The following KCNK9 variants were observed in gnomAD, a reference collection of about 807,000 sequenced individuals.
The protein encoded by KCNK9 is potassium channel subfamily K member 9.
A neutral mutation model predicts 10.8 loss-of-function variants in KCNK9; 1 was observed. The observed-to-expected ratio is 0.09, with a 90% CI of 0.03 to 0.44. KCNK9 has a LOEUF of 0.44. KCNK9 is among the 20% of genes least tolerant of loss of function. The pLI is 0.97. For synonymous variants in KCNK9, 231 were observed against 222.7 expected, an observed-to-expected ratio of 1.04 and a Z score of -0.33; for missense variants, 303 against 515.0, an observed-to-expected ratio of 0.59 and a Z score of 3.98.
At chr8:139,645,302 C>T (rs888077590) in intron 1 of KCNK9, among the ~76,000 whole-genome samples, 1 of 152,110 alleles carries the variant, frequency 6.6e-6, no homozygotes, top group African/African-American at 2.4e-5. Flanking sequence ...CTCAGACCGG[C>T]CCAGGGAGCC....
At chr8:139,694,701 C>T (rs989631439) in intron 1 of KCNK9, among the ~76,000 whole-genome samples, 15 of 152,316 alleles carry the variant, frequency 9.8e-5, no homozygotes, top group Middle Eastern at 3.4e-3. Flanking sequence ...CACCTGCCAC[C>T]CCAAACTTCA....
intron 1 of KCNK9, among the ~76,000 whole-genome samples, chr8:139,681,651 C>A (rs1182782569): frequency 1.3e-5 from 2 of 152,212 alleles, no homozygotes; most frequent in Non-Finnish European, 1.5e-5. Flanking sequence ...CAGCGGGCAG[C>A]AAGCTGGCTG....
downstream of KCNK9, among the ~76,000 whole-genome samples, chr8:139,614,250 A>C (rs1814514065): frequency 6.6e-6 from 1 of 152,150 alleles, no homozygotes; most frequent in South Asian, 2.1e-4. Flanking sequence ...ATGTTCTCTT[A>C]AGGCCCTGTG....
downstream of KCNK9, among the ~76,000 whole-genome samples, chr8:139,608,274 C>T (rs369899597): frequency 1.2e-4 from 19 of 152,260 alleles, no homozygotes; most frequent in East Asian, 3.5e-3. Flanking sequence ...GTGAGTCTCA[C>T]ACAAAGCTTC....
At chr8:139,620,313 G>T (rs1018378946) in intron 1 of KCNK9, among the ~76,000 whole-genome samples, 5 of 152,172 alleles carry the variant, frequency 3.3e-5, no homozygotes, top group African/African-American at 1.2e-4. Context: ...TTTCCCTGAT[G>T]GGACCCTGTC....
chr8:139,627,183 T>C (rs1815004090), intron 1 of KCNK9, among the ~76,000 whole-genome samples: 1 of 152,184 alleles, frequency 6.6e-6, no homozygotes, highest in African/African-American at 2.4e-5. Flanking sequence ...TGAAGCAGCC[T>C]CCTCCAGTGG....
intron 1 of KCNK9, among the ~76,000 whole-genome samples, chr8:139,662,017 A>T (rs1351451500): frequency 6.6e-6 from 1 of 152,110 alleles, no homozygotes; most frequent in East Asian, 1.9e-4. Context: ...TCAGGTCAGG[A>T]TGGTGCTGGT....
At chr8:139,624,446 C>T (rs1814900556) in intron 1 of KCNK9, among the ~76,000 whole-genome samples, 1 of 152,184 alleles carries the variant, frequency 6.6e-6, no homozygotes, top group Non-Finnish European at 1.5e-5. Context: ...AGTTGAGTGG[C>T]TGTCCCAGCT....
intron 1 of KCNK9, among the ~76,000 whole-genome samples, chr8:139,696,415 G>A (rs1455142757): frequency 6.6e-6 from 1 of 152,206 alleles, no homozygotes; most frequent in Admixed American, 6.5e-5. Context: ...GATTGGGATT[G>A]GCTCACCATT....
chr8:139,620,035 C>T (rs1164300153), intron 1 of KCNK9, among the ~76,000 whole-genome samples: 1 of 152,206 alleles, frequency 6.6e-6, no homozygotes, highest in Non-Finnish European at 1.5e-5. Flanking sequence ...CAAGTCAAGA[C>T]TGTATTTCCT....
At chr8:139,645,636 C>T (rs3780052) in intron 1 of KCNK9, among the ~76,000 whole-genome samples, 1 of 152,202 alleles carries the variant, frequency 6.6e-6, no homozygotes, top group Non-Finnish European at 1.5e-5. Flanking sequence ...TGCCCATGCC[C>T]CACACTCTAG....
chr8:139,632,283 G>T (rs1412993441), intron 1 of KCNK9, among the ~76,000 whole-genome samples: 2 of 152,178 alleles, frequency 1.3e-5, no homozygotes, highest in African/African-American at 2.4e-5. Flanking sequence ...CAAGATCTGT[G>T]GGGTGCCCCA....
intron 1 of KCNK9, among the ~76,000 whole-genome samples, chr8:139,620,307 C>T (rs1814738097): frequency 6.6e-6 from 1 of 152,180 alleles, no homozygotes; most frequent in South Asian, 2.1e-4. Context: ...GATAGATTTC[C>T]CTGATGGGAC....
chr8:139,693,553 C>A lies in KCNK9; in HGVS notation c.283+9157G>T, dbSNP rs1816980276. Among the ~76,000 whole-genome samples the A allele has an allele frequency of 6.6e-6, 1 of 152,050 alleles. No individual in the cohort carries two copies. The highest frequency in any genetic ancestry group is 2.1e-4 in the South Asian group (1 of 4,822). ...CCCTGAGCACCTGCTATGGGCCTGG[C>A]CAGGTGCAAGGGAGCCTGAGACCAG... On this transcript the variant is annotated intron_variant, in intron 1 of 1. Transcript: ENST00000520439. The surrounding 1 kb of genome is among the most constrained non-coding windows in gnomAD (Gnocchi z 4.1).
intron 1 of KCNK9, among the ~76,000 whole-genome samples, chr8:139,641,033 G>C (rs874747): frequency 0.35 from 52,873 of 152,142 alleles, 9,510 homozygotes; most frequent in Middle Eastern, 0.52. Flanking sequence ...CAAATGAGAT[G>C]ACCAGGGAAT....
At position 139,621,249 on chromosome 8, in the gene KCNK9, C is replaced by T. The variant is rs887611074; in HGVS notation, c.284-2150G>A. Among the ~76,000 whole-genome samples, 3 of 151,186 alleles carry T rather than the reference C, an allele frequency of 2.0e-5. No homozygotes were observed. The East Asian group carries it at 5.8e-4, about 29-fold the overall frequency. Reference sequence around the variant, plus strand: ...GAGGTTGCAATGAGCCATGATTGTGCCACTGCACTCCAACCTGGGTGACAG... The same window carrying T: ...GAGGTTGCAATGAGCCATGATTGTGTCACTGCACTCCAACCTGGGTGACAG... On this transcript the variant is annotated intron_variant, in intron 1 of 1. Coordinates refer to ENST00000520439, the MANE Select transcript of KCNK9 (RefSeq NM_001282534.2).
At chr8:139,654,843 G>A (rs1046619231) in intron 1 of KCNK9, among the ~76,000 whole-genome samples, 3 of 152,216 alleles carry the variant, frequency 2.0e-5, no homozygotes, top group Non-Finnish European at 4.4e-5. Context: ...GCAGTGGGCC[G>A]CTGGGGCCAG....
In KCNK9 at chr8:139,618,094, A is replaced by AAGGT; in HGVS notation, c.*160_*163dup. On this transcript the variant is annotated 3_prime_UTR_variant, in exon 2 of 2. Coordinates refer to ENST00000520439, the MANE Select transcript of KCNK9 (RefSeq NM_001282534.2). The surrounding 1 kb of genome is among the most constrained non-coding windows in gnomAD (Gnocchi z 7.9). ...CTTTGGCCTGCTCTGTCTGGCTGGA[A>AAGGT]AGGTGGGGGAAAATGAGACCAAGAG... 1.0e-6 allele frequency: 1 copy of AAGGT among 961,598 alleles called. No individual in the cohort carries two copies. The highest frequency in any genetic ancestry group is 1.5e-6 in the Non-Finnish European group (1 of 650,970). 59.6% of individuals were successfully genotyped at this position (961,598 alleles called of 1,614,324 possible).
At chr8:139,634,342 G>T (rs1278900599) in intron 1 of KCNK9, among the ~76,000 whole-genome samples, 1 of 152,156 alleles carries the variant, frequency 6.6e-6, no homozygotes, top group Non-Finnish European at 1.5e-5. Flanking sequence ...TACCCCTCAT[G>T]GGAAAGGCAG....
Sources: gnomAD v4.1 joint callset for allele counts (sites outside exome capture counted in the v4.1 genomes callset) on GRCh38, gnomAD v4.1.1 for gene constraint, Gnocchi (gnomAD v3.1) non-coding constraint, MANE v1.5 for transcripts, NCBI Gene and HGNC (gene_info 2026-07-23, HGNC 2026-07-21) for gene names.